The following FAAH2 variants were observed in gnomAD, a reference collection of about 807,000 sequenced individuals.
FAAH2 encodes fatty-acid amide hydrolase 2.
Under a neutral mutation model 36.9 loss-of-function variants are expected in FAAH2, and 60 were observed. The observed-to-expected ratio is 1.63, with a 90% CI of 1.32 to 2.02. FAAH2 has a LOEUF of 2.02. FAAH2 is among the 30% of genes most tolerant of loss of function. The pLI is 0.00. For synonymous variants in FAAH2, 214 were observed against 143.8 expected (o/e 1.49, Z -3.49); for missense variants, 689 against 397.5 (o/e 1.73, Z -6.23).
intron 2 of FAAH2, among the ~76,000 whole-genome samples, chrX:57,303,051 T>A (rs11795674): frequency 9.0e-6 from 1 of 111,087 alleles, no homozygotes; most frequent in East Asian, 2.9e-4. Flanking sequence ...GGCTGAAGTT[T>A]GGGCAATGCT....
the FAAH2 span, among the ~76,000 whole-genome samples, chrX:57,209,665 A>G: frequency 2.7e-5 from 3 of 111,393 alleles, no homozygotes; most frequent in Admixed American, 2.9e-4. Flanking sequence ...TGATGCCAGC[A>G]CTTTTTTAGC....
intron 2 of FAAH2, among the ~76,000 whole-genome samples, chrX:57,296,208 G>C (rs191206262): frequency 9.0e-6 from 1 of 111,552 alleles, no homozygotes; most frequent in Admixed American, 9.5e-5. Context: ...CCCTCAGTAG[G>C]GCCAGACTGA....
the FAAH2 span, among the ~76,000 whole-genome samples, chrX:57,208,284 C>A: frequency 2.9e-4 from 33 of 112,304 alleles, no homozygotes; most frequent in African/African-American, 1.0e-3. Context: ...AGCTGGCAAA[C>A]AAACCTGCTC....
At chrX:57,363,325 T>C (rs759512432) in intron 5 of FAAH2, among the ~76,000 whole-genome samples, 2 of 111,717 alleles carry the variant, frequency 1.8e-5, no homozygotes, top group Non-Finnish European at 3.8e-5. Context: ...TTATTATCTT[T>C]GTGGCTATCA....
chrX:57,424,544 C>T (rs1255342810), intron 7 of FAAH2, among the ~76,000 whole-genome samples: 1 of 111,753 alleles, frequency 8.9e-6, no homozygotes, highest in Non-Finnish European at 1.9e-5. Flanking sequence ...CCCAGAGACA[C>T]AGGAGAACAT....
At chrX:57,292,818 G>C (rs192033045) in intron 2 of FAAH2, among the ~76,000 whole-genome samples, 1 of 111,591 alleles carries the variant, frequency 9.0e-6, no homozygotes, top group Admixed American at 9.5e-5. Flanking sequence ...ACTAAATTTT[G>C]TTGTTTTTGC....
chrX:57,426,099 G>A (rs779546106), intron 7 of FAAH2, among the ~76,000 whole-genome samples: 1 of 111,618 alleles, frequency 9.0e-6, no homozygotes, highest in South Asian at 3.7e-4. Flanking sequence ...TGACATCATA[G>A]AATGAGATAG....
chrX:57,269,276 G>A, the FAAH2 span, among the ~76,000 whole-genome samples: 1 of 110,893 alleles, frequency 9.0e-6, no homozygotes, highest in African/African-American at 3.3e-5. Flanking sequence ...AATAATAGTG[G>A]GATATTTTAA....
At chrX:57,184,229 C>T in the FAAH2 span, among the ~76,000 whole-genome samples, 1 of 111,792 alleles carries the variant, frequency 8.9e-6, no homozygotes, top group Non-Finnish European at 1.9e-5. Context: ...GTCCTGTTCC[C>T]TCAGAAGCAT....
chrX:57,439,434 C>T (rs1221252554), intron 8 of FAAH2, among the ~76,000 whole-genome samples: 5 of 111,667 alleles, frequency 4.5e-5, no homozygotes, highest in Non-Finnish European at 9.4e-5. Flanking sequence ...CCTTCGCCCA[C>T]TTTTTGATGG....
Position 57,417,835 on chromosome X carries a change from C to T in FAAH2, c.997-14083C>T, listed in dbSNP as rs192049276. Among the ~76,000 whole-genome samples the T allele has an allele frequency of 2.4e-3, 273 of 111,927 alleles. 2 individuals are homozygous for T. The highest frequency in any genetic ancestry group is 3.3e-3 in the Non-Finnish European group (175 of 53,168). On this transcript the variant is annotated intron_variant, in intron 7 of 10. Transcript: ENST00000374900. Reference sequence around the variant, plus strand: ...TCTGCTGAAGCTGGGCCCACAGCCGCCCCTTCCCCCAGGTTCTCTATCTCA... The same window carrying T: ...TCTGCTGAAGCTGGGCCCACAGCCGTCCCTTCCCCCAGGTTCTCTATCTCA...
chrX:57,452,389 T>C, intron 10 of FAAH2: 1 of 720,865 alleles, frequency 1.4e-6, no homozygotes, highest in African/African-American at 2.3e-5. Context: ...GATCACAGCA[T>C]TCTTTTTCTC....
intron 4 of FAAH2, among the ~76,000 whole-genome samples, chrX:57,338,824 C>T (rs1276895205): frequency 9.0e-6 from 1 of 111,136 alleles, no homozygotes; most frequent in Non-Finnish European, 1.9e-5. Flanking sequence ...GTGAAAATAG[C>T]CATACTGCCC....
At chrX:57,216,167 G>A in the FAAH2 span, among the ~76,000 whole-genome samples, 1 of 106,684 alleles carries the variant, frequency 9.4e-6, no homozygotes, top group African/African-American at 3.4e-5. Context: ...GGTGGTTTTT[G>A]GTTACATGAG....
At chrX:57,483,435 G>C (rs1031874853) in intron 10 of FAAH2, among the ~76,000 whole-genome samples, 2 of 110,457 alleles carry the variant, frequency 1.8e-5, no homozygotes, top group Non-Finnish European at 3.8e-5. Flanking sequence ...TTTTCTTTTT[G>C]GTTGGTTTTC....
At chrX:57,186,503 T>G in the FAAH2 span, among the ~76,000 whole-genome samples, 3 of 112,383 alleles carry the variant, frequency 2.7e-5, no homozygotes, top group African/African-American at 9.7e-5. Flanking sequence ...TTTCTCCTAT[T>G]CCATGTGTTG....
intron 5 of FAAH2, among the ~76,000 whole-genome samples, chrX:57,343,280 A>AGT (rs1191410763): frequency 9.0e-6 from 1 of 111,548 alleles, no homozygotes; most frequent in Non-Finnish European, 1.9e-5. Flanking sequence ...CATCAGTGTC[A>AGT]GTTATTTTTG....
chrX:57,144,456 T>A, the FAAH2 span, among the ~76,000 whole-genome samples: 1 of 110,227 alleles, frequency 9.1e-6, no homozygotes, highest in Non-Finnish European at 1.9e-5. Context: ...GGGTTTTTTT[T>A]TCCCCTACTT....
chrX:57,264,994 G>A, the FAAH2 span, among the ~76,000 whole-genome samples: 7 of 111,929 alleles, frequency 6.3e-5, no homozygotes, highest in East Asian at 1.1e-3. Context: ...AAGGCAGGAC[G>A]ATGGCCCACT....
Sources: allele counts gnomAD v4.1 joint callset (sites outside exome capture counted in the v4.1 genomes callset), GRCh38; gene constraint gnomAD v4.1.1; transcripts MANE v1.5; gene names NCBI Gene and HGNC (gene_info 2026-07-23, HGNC 2026-07-21).